RTL4: variants seen among roughly 807,000 people sequenced by gnomAD.
The protein encoded by RTL4 is retrotransposon Gag like 4, also known as retrotransposon Gag-like protein 4.
In RTL4, 4 loss-of-function variants were observed where a neutral mutation model predicts 5.3. The observed-to-expected ratio is 0.75, with a 90% confidence interval of 0.37 to 1.72. The LOEUF (loss-of-function observed/expected upper bound fraction) is 1.72, where lower values mean the gene tolerates loss of function less well. RTL4 is among the 40% of genes most tolerant of loss of function. RTL4 has a pLI of 0.04. For synonymous variants in RTL4, 98 were observed against 87.3 expected (o/e 1.12, Z -0.68); for missense variants, 260 against 227.1 (o/e 1.14, Z -0.93).
chrX:112,374,312 C>T, the RTL4 span, among the ~76,000 whole-genome samples: 32 of 111,160 alleles, frequency 2.9e-4, no homozygotes, highest in African/African-American at 9.5e-4. Flanking sequence ...TAAAACAGTG[C>T]TCCAATAGTG....
chrX:112,236,720 T>C, the RTL4 span, among the ~76,000 whole-genome samples: 1 of 108,120 alleles, frequency 9.2e-6, no homozygotes, highest in Admixed American at 1.0e-4. Context: ...ATGGATAAAA[T>C]AGTAAAGCTG....
chrX:112,381,591 A>C, the RTL4 span: 1 of 1,189,957 alleles, frequency 8.4e-7, no homozygotes, highest in Non-Finnish European at 1.1e-6. Context: ...AAAAGTAGAG[A>C]GATTGAGCGA....
chrX:112,283,205 T>TTAAG, the RTL4 span, among the ~76,000 whole-genome samples: 2,200 of 112,063 alleles, frequency 0.02, 56 homozygotes, highest in African/African-American at 0.065. Context: ...ATTGTTGTTC[T>TTAAG]TAAGGATCAC....
the RTL4 span, among the ~76,000 whole-genome samples, chrX:112,394,752 A>G: frequency 8.9e-6 from 1 of 112,168 alleles, no homozygotes; most frequent in African/African-American, 3.2e-5. Context: ...ATACTGAAAC[A>G]TTTAAATCTA....
the RTL4 span, among the ~76,000 whole-genome samples, chrX:112,413,268 T>C: frequency 9.0e-6 from 1 of 111,575 alleles, no homozygotes; most frequent in Non-Finnish European, 1.9e-5. Flanking sequence ...GGATGTAAAT[T>C]AATACAACTG....
the RTL4 span, among the ~76,000 whole-genome samples, chrX:112,164,086 G>A: frequency 1.8e-5 from 2 of 111,939 alleles, no homozygotes; most frequent in Non-Finnish European, 3.8e-5. Flanking sequence ...GAGGTCTAAA[G>A]TGATTTGCTC....
chrX:112,212,104 C>T, the RTL4 span, among the ~76,000 whole-genome samples: 3 of 112,549 alleles, frequency 2.7e-5, no homozygotes, highest in Non-Finnish European at 3.8e-5. Flanking sequence ...GGGCCGGGCG[C>T]GGTGGCTCAC....
the RTL4 span, among the ~76,000 whole-genome samples, chrX:112,371,298 A>G: frequency 9.0e-6 from 1 of 111,247 alleles, no homozygotes; most frequent in Non-Finnish European, 1.9e-5. Flanking sequence ...GTCACTCTTC[A>G]ATTGCTTTCT....
At chrX:112,086,339 G>A in the RTL4 span, among the ~76,000 whole-genome samples, 1 of 112,452 alleles carries the variant, frequency 8.9e-6, no homozygotes, top group African/African-American at 3.2e-5. Context: ...TTGTTTTCAA[G>A]GAAAGTTTCT....
chrX:112,156,153 G>A, the RTL4 span, among the ~76,000 whole-genome samples: 2 of 112,037 alleles, frequency 1.8e-5, no homozygotes, highest in African/African-American at 6.5e-5. Flanking sequence ...CTTTTTTTGA[G>A]TCTTCCTTTT....
At chrX:112,238,647 C>T in the RTL4 span, among the ~76,000 whole-genome samples, 1 of 111,225 alleles carries the variant, frequency 9.0e-6, no homozygotes, top group Non-Finnish European at 1.9e-5. Context: ...AGCAGACTGC[C>T]TTAGGGACCT....
At chrX:112,371,561 G>A in the RTL4 span, among the ~76,000 whole-genome samples, 1 of 111,809 alleles carries the variant, frequency 8.9e-6, no homozygotes, top group African/African-American at 3.2e-5. Context: ...TATAGAAGTA[G>A]GACAAGATGT....
At chrX:112,361,258 C>T in the RTL4 span, among the ~76,000 whole-genome samples, 1,635 of 111,171 alleles carry the variant, frequency 0.015, 34 homozygotes, top group African/African-American at 0.051. Flanking sequence ...CACAAACATA[C>T]ACATATATAT....
chrX:112,257,507 G>A, the RTL4 span, among the ~76,000 whole-genome samples: 1 of 110,993 alleles, frequency 9.0e-6, no homozygotes, highest in East Asian at 2.8e-4. Context: ...TTTAGACTGG[G>A]TAATTTATAA....
chrX:112,432,080 A>AT, the RTL4 span, among the ~76,000 whole-genome samples: 1 of 105,904 alleles, frequency 9.4e-6, no homozygotes, highest in Non-Finnish European at 2.0e-5. Context: ...TTATGGCTGC[A>AT]TAGTATTCCA....
chrX:112,236,426 TAG>T, the RTL4 span, among the ~76,000 whole-genome samples: 6 of 80,257 alleles, frequency 7.5e-5, no homozygotes, highest in African/African-American at 1.6e-4. Context: ...TATCTATATA[TAG>T]ATATAGATCT....
the RTL4 span, among the ~76,000 whole-genome samples, chrX:112,396,488 G>A: frequency 9.0e-6 from 1 of 110,628 alleles, no homozygotes; most frequent in Non-Finnish European, 1.9e-5. Context: ...CTTGTTGTGG[G>A]GGTGGTGATA....
the RTL4 span, among the ~76,000 whole-genome samples, chrX:112,197,700 C>T: frequency 8.2e-4 from 92 of 111,553 alleles, no homozygotes; most frequent in African/African-American, 2.9e-3. Context: ...GTGCCCTCCC[C>T]TCCGTGTCAT....
the RTL4 span, among the ~76,000 whole-genome samples, chrX:112,308,653 T>C: frequency 8.9e-6 from 1 of 111,788 alleles, no homozygotes; most frequent in East Asian, 2.8e-4. Flanking sequence ...CTCTGTACTT[T>C]TGGTACATGG....
Sources: allele counts gnomAD v4.1 joint callset (sites outside exome capture counted in the v4.1 genomes callset), GRCh38; gene constraint gnomAD v4.1.1; transcripts MANE v1.5; gene names NCBI Gene and HGNC (gene_info 2026-07-23, HGNC 2026-07-21).